The following ESRRG variants were observed in gnomAD, a reference collection of about 807,000 sequenced individuals.
The protein encoded by ESRRG is estrogen related receptor gamma, also known as estrogen-related receptor gamma.
Under a neutral mutation model 44.0 loss-of-function variants are expected in ESRRG, and 13 were observed. The observed-to-expected ratio is 0.30, with a 90% confidence interval of 0.19 to 0.47. The LOEUF is 0.47. Among genes scored for constraint, ESRRG ranks in the 20% least tolerant of loss-of-function variants. The pLI is 1.00. For synonymous variants in ESRRG, 215 were observed against 214.6 expected, an observed-to-expected ratio of 1.00 and a Z score of -0.02; for missense variants, 395 against 580.6, an observed-to-expected ratio of 0.68 and a Z score of 3.29.
chr1:216,562,298 T>G (rs1311206789), intron 5 of ESRRG, among the ~76,000 whole-genome samples: 1 of 152,144 alleles, frequency 6.6e-6, no homozygotes, highest in Non-Finnish European at 1.5e-5. Context: ...TGAAATAGGT[T>G]TTTTAAATGC....
chr1:216,975,000 A>G (rs759583393), intron 1 of ESRRG, among the ~76,000 whole-genome samples: 3 of 152,126 alleles, frequency 2.0e-5, no homozygotes, highest in Non-Finnish European at 2.9e-5. Flanking sequence ...GCATCATATG[A>G]TATCTGCTTA....
At chr1:216,596,170 G>A (rs942533196) in intron 3 of ESRRG, among the ~76,000 whole-genome samples, 6 of 152,126 alleles carry the variant, frequency 3.9e-5, no homozygotes, top group Admixed American at 3.3e-4. Flanking sequence ...CTAGGTAGCC[G>A]TCACTTTACC....
chr1:216,986,436 C>T (rs1032618411), intron 1 of ESRRG, among the ~76,000 whole-genome samples: 5 of 151,922 alleles, frequency 3.3e-5, no homozygotes, highest in South Asian at 2.1e-4. Context: ...GGTTTGAGGC[C>T]GGCATGGTGG....
At chr1:216,569,237 G>GAAAGA (rs1558553215) in intron 3 of ESRRG, among the ~76,000 whole-genome samples, 2 of 124,204 alleles carry the variant, frequency 1.6e-5, no homozygotes, top group Admixed American at 1.6e-4. Flanking sequence ...GAAAGGAAAG[G>GAAAGA]AAAGGAAAGG....
At chr1:216,653,176 T>A (rs1291429996) in intron 2 of ESRRG, among the ~76,000 whole-genome samples, 1 of 152,164 alleles carries the variant, frequency 6.6e-6, no homozygotes, top group Non-Finnish European at 1.5e-5. Flanking sequence ...TTCCACTTCC[T>A]CTTTGAAAAC....
intron 2 of ESRRG, among the ~76,000 whole-genome samples, chr1:216,937,721 C>G (rs2064387612): frequency 1.3e-5 from 2 of 152,144 alleles, no homozygotes; most frequent in Admixed American, 6.5e-5. Flanking sequence ...TGCATTCTGC[C>G]AGGCTGGGGA....
chr1:216,558,211 G>A (rs2057981343), intron 5 of ESRRG, among the ~76,000 whole-genome samples: 1 of 152,098 alleles, frequency 6.6e-6, no homozygotes, highest in African/African-American at 2.4e-5. Context: ...AGAAAATAGA[G>A]TCCCTAAGTA....
intron 1 of ESRRG, among the ~76,000 whole-genome samples, chr1:216,970,746 C>G (rs1333199808): frequency 6.6e-6 from 1 of 152,148 alleles, no homozygotes; most frequent in Non-Finnish European, 1.5e-5. Flanking sequence ...CTTTGAAGTT[C>G]ACAAATATTT....
chr1:216,626,455 A>G (rs1201789619), intron 3 of ESRRG, among the ~76,000 whole-genome samples: 1 of 152,172 alleles, frequency 6.6e-6, no homozygotes, highest in Non-Finnish European at 1.5e-5. Context: ...CTTCTAGCAC[A>G]CCATCCTGCC....
At chr1:217,052,445 T>G (rs1446958142) in intron 1 of ESRRG, among the ~76,000 whole-genome samples, 1 of 152,154 alleles carries the variant, frequency 6.6e-6, no homozygotes, top group Admixed American at 6.5e-5. Context: ...TGTAAATCAC[T>G]CCACGTGAAT....
intron 2 of ESRRG, among the ~76,000 whole-genome samples, chr1:216,839,147 T>C (rs543658589): frequency 1.1e-3 from 165 of 152,338 alleles, no homozygotes; most frequent in African/African-American, 3.9e-3. Flanking sequence ...TTATGTAATA[T>C]TGTAAATCCT....
intron 1 of ESRRG, among the ~76,000 whole-genome samples, chr1:217,074,373 G>A (rs374870412): frequency 4.7e-5 from 7 of 148,934 alleles, no homozygotes; most frequent in African/African-American, 1.7e-4. Flanking sequence ...ATGTCCCTCT[G>A]CCTTGACCCT....
At chr1:217,021,589 C>T (rs1560499273) in intron 1 of ESRRG, among the ~76,000 whole-genome samples, 1 of 152,178 alleles carries the variant, frequency 6.6e-6, no homozygotes, top group African/African-American at 2.4e-5. Context: ...TTATCCCATC[C>T]ACCTCTCCAT....
intron 2 of ESRRG, among the ~76,000 whole-genome samples, chr1:216,759,537 A>G (rs918114827): frequency 1.3e-5 from 2 of 151,952 alleles, no homozygotes; most frequent in Non-Finnish European, 2.9e-5. Flanking sequence ...TTGTTTTTCA[A>G]TTTCCACCTG....
chr1:217,011,410 C>T (rs2078593907), intron 1 of ESRRG, among the ~76,000 whole-genome samples: 1 of 152,160 alleles, frequency 6.6e-6, no homozygotes, highest in Non-Finnish European at 1.5e-5. Flanking sequence ...TGAGTGGTGA[C>T]TTGGTAAACT....
intron 2 of ESRRG, among the ~76,000 whole-genome samples, chr1:216,656,528 C>A (rs986148408): frequency 6.6e-6 from 1 of 152,150 alleles, no homozygotes; most frequent in Non-Finnish European, 1.5e-5. Context: ...TTGCAGCTAG[C>A]TGGCGGATAG....
At chr1:216,783,450 TATCTTTA>T (rs2147930798) in intron 2 of ESRRG, among the ~76,000 whole-genome samples, 1 of 152,254 alleles carries the variant, frequency 6.6e-6, no homozygotes, top group East Asian at 1.9e-4. Flanking sequence ...TCAATTTTTT[TATCTTTA>T]ATCTTTAATT....
intron 1 of ESRRG, among the ~76,000 whole-genome samples, chr1:216,680,982 A>C (rs989579917): frequency 1.3e-5 from 2 of 152,034 alleles, no homozygotes. Flanking sequence ...CTGTAGCCAA[A>C]GAGAATAAGC....
intron 2 of ESRRG, among the ~76,000 whole-genome samples, chr1:216,921,732 T>C (rs1329407998): frequency 6.6e-6 from 1 of 152,218 alleles, no homozygotes; most frequent in Non-Finnish European, 1.5e-5. Context: ...TTTTAAAATA[T>C]ATTGCATTTA....
Sources: allele counts gnomAD v4.1 joint callset (sites outside exome capture counted in the v4.1 genomes callset), GRCh38; gene constraint gnomAD v4.1.1; transcripts MANE v1.5; gene names NCBI Gene and HGNC (gene_info 2026-07-23, HGNC 2026-07-21).